Variants in TPO observed in about 807,000 individuals in gnomAD.
TPO encodes the protein thyroid microsomal antigen.
Under a neutral mutation model 96.9 loss-of-function variants are expected in TPO, and 78 were observed. That is an observed-to-expected ratio of 0.81 (90% CI 0.67 to 0.97). The LOEUF is 0.97. Ranked by LOEUF, TPO falls within the 50% of genes least tolerant of loss-of-function variation. The pLI, the probability that TPO is intolerant of heterozygous loss-of-function variation, is 0.00. For missense variants in TPO, 1,252 were observed against 1,274.8 expected, an observed-to-expected ratio of 0.98 and a Z score of 0.27; for synonymous variants, 547 against 538.0, an observed-to-expected ratio of 1.02 and a Z score of -0.23.
intron 15 of TPO, among the ~76,000 whole-genome samples, chr2:1,536,830 G>T (rs1469611989): frequency 2.1e-5 from 2 of 96,000 alleles, no homozygotes; most frequent in Admixed American, 1.5e-4. Flanking sequence ...CCCACTGTGT[G>T]CAACCTCCCC....
chr2:1,511,969 T>A (rs1305814330), intron 14 of TPO, among the ~76,000 whole-genome samples: 1 of 152,232 alleles, frequency 6.6e-6, no homozygotes, highest in Non-Finnish European at 1.5e-5. Context: ...TCCAATATTT[T>A]GTTTCAAACG....
chr2:1,420,479 T>C (rs1046960058), intron 2 of TPO, among the ~76,000 whole-genome samples: 1 of 152,080 alleles, frequency 6.6e-6, no homozygotes, highest in Admixed American at 6.5e-5. Context: ...TACCTAAAGA[T>C]CAGCAGGATC....
At chr2:1,491,983 C>G (rs1480952552) in intron 10 of TPO, among the ~76,000 whole-genome samples, 1 of 152,092 alleles carries the variant, frequency 6.6e-6, no homozygotes, top group Non-Finnish European at 1.5e-5. Context: ...TCGGGGGAAC[C>G]CTTGCCAGAT....
chr2:1,523,170 T>A (rs796500450), intron 15 of TPO, among the ~76,000 whole-genome samples: 1 of 135,296 alleles, frequency 7.4e-6, no homozygotes, highest in African/African-American at 2.8e-5. Context: ...CCACACTGTG[T>A]GCAACCTCCT....
intron 15 of TPO, 115 bp from the exon 16 acceptor site, chr2:1,540,479 G>C (rs1451241715): frequency 3.8e-6 from 6 of 1,595,598 alleles, no homozygotes; most frequent in Non-Finnish European, 5.1e-6. Flanking sequence ...GTGGGTTGGA[G>C]TGTTCCTGCC....
At chr2:1,477,680 G>C (rs1016370056) in intron 8 of TPO, 76 bp downstream of exon 8, 2 of 1,414,048 alleles carry the variant, frequency 1.4e-6, no homozygotes, top group Non-Finnish European at 1.8e-6. Flanking sequence ...GCGCAGCATC[G>C]TGGCTTCTCT....
intron 3 of TPO, among the ~76,000 whole-genome samples, chr2:1,426,385 G>A (rs142857866): frequency 0.013 from 2,021 of 150,698 alleles, 48 homozygotes; most frequent in African/African-American, 0.045. Flanking sequence ...TTTTCTAGAT[G>A]CCGGGATACA....
chr2:1,405,237 C>A (rs1280698611), intron 1 of TPO, among the ~76,000 whole-genome samples: 1 of 150,946 alleles, frequency 6.6e-6, no homozygotes, highest in Non-Finnish European at 1.5e-5. Flanking sequence ...TTCCATTTAT[C>A]CATCCATCCA....
At chr2:1,525,752 C>G (rs1376214668) in intron 15 of TPO, among the ~76,000 whole-genome samples, 1 of 135,220 alleles carries the variant, frequency 7.4e-6, no homozygotes, top group Non-Finnish European at 1.6e-5. Flanking sequence ...AAATCTCACC[C>G]CACTGTGGGC....
rs1680893455 is a variant in TPO, at chr2:1,542,638, G to A, written c.*164G>A. 6.5e-7 allele frequency: 1 copy of A among 1,543,938 alleles called. No individual in the cohort carries two copies. The highest frequency in any genetic ancestry group is 8.8e-7 in the Non-Finnish European group (1 of 1,141,112). On this transcript the variant is annotated 3_prime_UTR_variant, in exon 17 of 17. Coordinates refer to ENST00000329066, the MANE Select transcript of TPO (RefSeq NM_001206744.2). ...TACTCTCAGGCATGGATGAATAAATGTTATAGCTGCATTTGTCTGGCCTTT... is the reference window on the plus strand; with the variant it reads ...TACTCTCAGGCATGGATGAATAAATATTATAGCTGCATTTGTCTGGCCTTT...
At chr2:1,446,196 C>T (rs1033499335) in intron 5 of TPO, among the ~76,000 whole-genome samples, 5 of 152,148 alleles carry the variant, frequency 3.3e-5, no homozygotes, top group Non-Finnish European at 7.4e-5. Flanking sequence ...TGACATCTAC[C>T]CAGAGGTGAC....
intron 13 of TPO, 140 bp from the exon 14 acceptor site, chr2:1,503,808 C>T (rs1014266043): frequency 6.2e-5 from 93 of 1,504,120 alleles, no homozygotes; most frequent in Non-Finnish European, 8.1e-5. Context: ...AGGGGGCGGC[C>T]GGTTCCCCCT....
At chr2:1,465,111 A>C (rs1668777391) in intron 7 of TPO, among the ~76,000 whole-genome samples, 1 of 152,122 alleles carries the variant, frequency 6.6e-6, no homozygotes, top group Non-Finnish European at 1.5e-5. Context: ...TCATTCTCCT[A>C]CACATGGCTT....
At chr2:1,531,221 C>T (rs1433501889) in intron 15 of TPO, among the ~76,000 whole-genome samples, 48 of 110,126 alleles carry the variant, frequency 4.4e-4, no homozygotes, top group African/African-American at 1.8e-3. Flanking sequence ...CACCCCAAAT[C>T]GCCCCCACTG....
At chr2:1,386,407 G>T (rs991059014) in intron 1 of TPO, among the ~76,000 whole-genome samples, 2 of 152,168 alleles carry the variant, frequency 1.3e-5, no homozygotes, top group Admixed American at 1.3e-4. Context: ...CCTGTATTAG[G>T]TGCATATATA....
At chr2:1,375,619 C>G (rs1255259317) in intron 1 of TPO, among the ~76,000 whole-genome samples, 1 of 152,082 alleles carries the variant, frequency 6.6e-6, no homozygotes, top group African/African-American at 2.4e-5. Flanking sequence ...TCACAGCTGC[C>G]TGTTTGGGAA....
At chr2:1,493,617 G>A (rs1029937578) in intron 10 of TPO, among the ~76,000 whole-genome samples, 185 bp from the exon 11 acceptor site, 1 of 149,062 alleles carries the variant, frequency 6.7e-6, no homozygotes, top group Non-Finnish European at 1.5e-5. Flanking sequence ...CACAGGGTGG[G>A]ACAGGACTCT....
chr2:1,514,173 C>G (rs1558389580), intron 14 of TPO, among the ~76,000 whole-genome samples: 1 of 152,152 alleles, frequency 6.6e-6, no homozygotes, highest in Non-Finnish European at 1.5e-5. Flanking sequence ...CCAGCTCAAG[C>G]AGAGAGTCAG....
At chr2:1,454,968 C>T (rs1043856672) in intron 6 of TPO, among the ~76,000 whole-genome samples, 2 of 152,194 alleles carry the variant, frequency 1.3e-5, no homozygotes, top group African/African-American at 4.8e-5. Context: ...TCTCACTTGG[C>T]TGAAATCAAG....
Sources: gnomAD v4.1 joint callset for allele counts (sites outside exome capture counted in the v4.1 genomes callset) on GRCh38, gnomAD v4.1.1 for gene constraint, MANE v1.5 for transcripts, NCBI Gene and HGNC (gene_info 2026-07-23, HGNC 2026-07-21) for gene names.